The following ZNF782 variants were observed in gnomAD, a reference collection of about 807,000 sequenced individuals.
ZNF782 encodes the protein zinc finger protein 782.
A neutral mutation model predicts 13.0 loss-of-function variants in ZNF782; 12 were observed. The observed-to-expected ratio is 0.92, with a 90% CI of 0.59 to 1.50. The LOEUF (loss-of-function observed/expected upper bound fraction) is 1.50. ZNF782 is among the 40% of genes most tolerant of loss of function. The pLI, the probability that ZNF782 is intolerant of heterozygous loss-of-function variation, is 0.00. For synonymous variants in ZNF782, 284 were observed against 283.0 expected, an observed-to-expected ratio of 1.00 and a Z score of -0.04; for missense variants, 770 against 822.9, an observed-to-expected ratio of 0.94 and a Z score of 0.79.
At chr9:96,930,523 CAAA>C in the ZNF782 span, among the ~76,000 whole-genome samples, 3 of 61,616 alleles carry the variant, frequency 4.9e-5, no homozygotes, top group Non-Finnish European at 6.6e-5. Context: ...GACTCCGTCT[CAAA>C]AAAAAAAAAA....
upstream of ZNF782, among the ~76,000 whole-genome samples, chr9:96,878,446 T>C (rs964530330): frequency 1.8e-4 from 27 of 152,360 alleles, no homozygotes; most frequent in Admixed American, 1.8e-3. Flanking sequence ...AGCTATAATG[T>C]AGCTCCCCCT....
At chr9:96,903,267 G>C in the ZNF782 span, among the ~76,000 whole-genome samples, 1 of 151,918 alleles carries the variant, frequency 6.6e-6, no homozygotes, top group Admixed American at 6.5e-5. Flanking sequence ...ATTTATAGTT[G>C]CATCTTTTTG....
chr9:96,875,337 T>C, intron 1 of ZNF782: 1 of 384,330 alleles, frequency 2.6e-6, no homozygotes, highest in South Asian at 1.9e-5. Context: ...GTAACTGCAC[T>C]TGGCTGTTTG....
chr9:96,901,616 G>A, the ZNF782 span, among the ~76,000 whole-genome samples: 1 of 151,748 alleles, frequency 6.6e-6, no homozygotes, highest in African/African-American at 2.4e-5. Context: ...TCCTAGGGCT[G>A]GTTATTGCTG....
chr9:96,825,760 A>G (rs1263210412), intron 5 of ZNF782, among the ~76,000 whole-genome samples: 1 of 152,204 alleles, frequency 6.6e-6, no homozygotes, highest in Admixed American at 6.5e-5. Context: ...ACACTTCTCA[A>G]AAGAAGACAT....
chr9:96,907,525 T>C, the ZNF782 span, among the ~76,000 whole-genome samples: 2 of 152,302 alleles, frequency 1.3e-5, no homozygotes, highest in East Asian at 3.8e-4. Context: ...AAACAATCAA[T>C]TGGCCATATT....
chr9:96,886,302 A>G, the ZNF782 span, among the ~76,000 whole-genome samples: 1 of 152,194 alleles, frequency 6.6e-6, no homozygotes, highest in South Asian at 2.1e-4. Context: ...TCACAAGTTG[A>G]AACTTAAGAC....
chr9:96,859,192 G>C (rs147765715), upstream of ZNF782, among the ~76,000 whole-genome samples: 1 of 152,170 alleles, frequency 6.6e-6, no homozygotes, highest in Non-Finnish European at 1.5e-5. Flanking sequence ...AACCTGAAAG[G>C]CTGTCTAAGC....
intron 4 of ZNF782, among the ~76,000 whole-genome samples, chr9:96,840,018 C>T (rs903124038): frequency 6.6e-6 from 1 of 152,120 alleles, no homozygotes; most frequent in Non-Finnish European, 1.5e-5. Context: ...GGTATTGTTG[C>T]TGAGTACTGT....
At chr9:96,826,927 C>T (rs755259060) in intron 5 of ZNF782, among the ~76,000 whole-genome samples, 153 bp downstream of exon 5, 11 of 152,166 alleles carry the variant, frequency 7.2e-5, no homozygotes, top group Non-Finnish European at 1.3e-4. Flanking sequence ...TTGTTTCCTA[C>T]GAACTTTGCC....
At chr9:96,913,934 G>A in the ZNF782 span, among the ~76,000 whole-genome samples, 1 of 147,880 alleles carries the variant, frequency 6.8e-6, no homozygotes, top group Admixed American at 6.7e-5. Flanking sequence ...TGGCTCAAGA[G>A]TTTGAGACCA....
At chr9:96,912,748 C>T in the ZNF782 span, among the ~76,000 whole-genome samples, 1 of 150,998 alleles carries the variant, frequency 6.6e-6, no homozygotes, top group Non-Finnish European at 1.5e-5. Flanking sequence ...AGGCTGGTCT[C>T]AAACTCCTGA....
intron 4 of ZNF782, among the ~76,000 whole-genome samples, chr9:96,830,738 A>G (rs1032722050): frequency 6.6e-6 from 1 of 152,212 alleles, no homozygotes; most frequent in African/African-American, 2.4e-5. Context: ...GAGCAAAGAC[A>G]ATCAATAGAT....
upstream of ZNF782, among the ~76,000 whole-genome samples, chr9:96,878,676 T>C (rs924650734): frequency 1.1e-4 from 17 of 152,268 alleles, no homozygotes; most frequent in African/African-American, 4.1e-4. Context: ...ATATCATGTT[T>C]ATTTAATCAA....
the ZNF782 span, among the ~76,000 whole-genome samples, chr9:96,925,427 C>G: frequency 6.6e-6 from 1 of 152,086 alleles, no homozygotes; most frequent in Non-Finnish European, 1.5e-5. Flanking sequence ...CACCTGAGGT[C>G]GGGGGTTCGA....
At chr9:96,913,456 A>G in the ZNF782 span, among the ~76,000 whole-genome samples, 1 of 152,148 alleles carries the variant, frequency 6.6e-6, no homozygotes, top group South Asian at 2.1e-4. Flanking sequence ...TTAAACTGTC[A>G]GAGAAAACAT....
rs79785582 is a variant in ZNF782, at chr9:96,846,784, A to G, written c.16-1768T>C. On this transcript the variant is annotated intron_variant, in intron 3 of 5. Transcript: ENST00000481138. ...GACCACTGACAGTACTAGACAGATC[A>G]AGACAGAAAGCCAACAAAGAAACAA... Among the ~76,000 whole-genome samples, 69 of 152,324 alleles carry G rather than the reference A, an allele frequency of 4.5e-4. No homozygotes were observed. In the East Asian group the frequency reaches 0.012, roughly 27 times the overall value.
intron 5 of ZNF782, among the ~76,000 whole-genome samples, chr9:96,822,857 T>G (rs965164431): frequency 2.0e-5 from 3 of 152,230 alleles, no homozygotes; most frequent in African/African-American, 7.2e-5. Context: ...AAGATATATA[T>G]TCCTTATTGA....
At chr9:96,868,823 G>A (rs1372119506) in intron 1 of ZNF782, among the ~76,000 whole-genome samples, 1 of 152,078 alleles carries the variant, frequency 6.6e-6, no homozygotes, top group African/African-American at 2.4e-5. Context: ...TTTCTTACAT[G>A]AGAATAATGT....
Sources: allele counts gnomAD v4.1 joint callset (sites outside exome capture counted in the v4.1 genomes callset), GRCh38; gene constraint gnomAD v4.1.1; transcripts MANE v1.5; gene names NCBI Gene and HGNC (gene_info 2026-07-23, HGNC 2026-07-21).